The following GABRA2 variants were observed in gnomAD, a reference collection of about 807,000 sequenced individuals.
The protein encoded by GABRA2 is gamma-aminobutyric acid type A receptor subunit alpha2.
A neutral mutation model predicts 48.7 loss-of-function variants in GABRA2; 16 were observed. The ratio of observed to expected loss-of-function variants is 0.33; its 90% CI spans 0.22 to 0.50. The LOEUF is 0.50. Ranked by LOEUF, GABRA2 falls within the 20% of genes least tolerant of loss-of-function variation. The pLI is 0.98. For missense variants in GABRA2, 275 were observed against 535.6 expected, an observed-to-expected ratio of 0.51 and a Z score of 4.80; for synonymous variants, 185 against 184.5, an observed-to-expected ratio of 1.00 and a Z score of -0.02.
At chr4:46,261,472 T>C (rs1490004968) in intron 9 of GABRA2, 5 of 166,498 alleles carry the variant, frequency 3.0e-5, no homozygotes, top group Non-Finnish European at 6.5e-5. Context: ...CTTTTTCTAA[T>C]CTCTTTATAA....
chr4:46,381,508 C>T, intron 3 of GABRA2, among the ~76,000 whole-genome samples: 1 of 152,154 alleles, frequency 6.6e-6, no homozygotes, highest in East Asian at 1.9e-4. Context: ...ATTTTCTTGA[C>T]ATGTTTTTCA....
At chr4:46,294,636 G>A (rs1359122100) in intron 8 of GABRA2, among the ~76,000 whole-genome samples, 1 of 152,210 alleles carries the variant, frequency 6.6e-6, no homozygotes, top group Non-Finnish European at 1.5e-5. Context: ...GGTGTCAGGG[G>A]CAGATACGGA....
At chr4:46,301,847 C>G (rs1725798251) in intron 8 of GABRA2, among the ~76,000 whole-genome samples, 1 of 152,124 alleles carries the variant, frequency 6.6e-6, no homozygotes, top group Non-Finnish European at 1.5e-5. Flanking sequence ...GGGCCTGGTA[C>G]AGTATCTAAC....
intron 8 of GABRA2, among the ~76,000 whole-genome samples, chr4:46,273,484 C>CATATATATATAT (rs1250189953): frequency 1.1e-4 from 2 of 18,908 alleles, no homozygotes; most frequent in Middle Eastern, 0.02. Flanking sequence ...TATATATATG[C>CATATATATATAT]ATATATATAT....
chr4:46,382,508 G>T (rs112505361), intron 3 of GABRA2, among the ~76,000 whole-genome samples: 1 of 152,174 alleles, frequency 6.6e-6, no homozygotes, highest in African/African-American at 2.4e-5. Context: ...GGCCTTGCAG[G>T]TCACCACAAG....
intron 8 of GABRA2, among the ~76,000 whole-genome samples, chr4:46,281,515 G>A (rs1348767445): frequency 6.6e-6 from 1 of 152,036 alleles, no homozygotes; most frequent in Non-Finnish European, 1.5e-5. Flanking sequence ...AGAGAATGAG[G>A]AAATTAAATT....
At position 46,245,638 on chromosome 4, in the gene GABRA2, A is replaced by T. The variant is rs969005574; in HGVS notation, c.*4670T>A. 6.6e-6 allele frequency among the ~76,000 whole-genome samples: 1 copy of T among 151,298 alleles called. No homozygotes were observed. Among genetic ancestry groups the T allele is most frequent in the Non-Finnish European group, 1.5e-5 (1 of 67,490 alleles). On this transcript the variant is annotated 3_prime_UTR_variant, in exon 10 of 10. Transcript: ENST00000381620. ...TCCATTAATAAAACAAATTGTTTAGATATCATAAATTTATCTGAATTTCTC... is the reference window on the plus strand; with the variant it reads ...TCCATTAATAAAACAAATTGTTTAGTTATCATAAATTTATCTGAATTTCTC...
chr4:46,287,178 TA>T (rs1258854288), intron 8 of GABRA2, among the ~76,000 whole-genome samples: 1 of 152,162 alleles, frequency 6.6e-6, no homozygotes, highest in Non-Finnish European at 1.5e-5. Context: ...ATTTGGCAGT[TA>T]TCTGGCTATA....
In GABRA2 at chr4:46,389,860, A is replaced by G. The variant is rs1458830230; in HGVS notation, c.-136T>C. The stretch of plus-strand genomic sequence containing the variant: ...GAGAGAGAGAGAGAGAGAGAGAGAG[A>G]GACCGAGACTGCAGCAGCCAAGAGA... On this transcript the variant is annotated 5_prime_UTR_variant, in exon 1 of 10. Transcript: ENST00000381620. 2 of 959,484 alleles carry G rather than the reference A, an allele frequency of 2.1e-6. No individual in the cohort carries two copies. The highest frequency in any genetic ancestry group is 4.1e-5 in the African/African-American group (2 of 48,726). 59.4% of individuals were successfully genotyped at this position (959,484 alleles called of 1,614,324 possible). A position where few individuals can be genotyped will look rare whatever the true frequency, so the allele number is the denominator to read the frequency against.
At chr4:46,256,462 T>TAA in intron 9 of GABRA2, 1 of 368,608 alleles carries the variant, frequency 2.7e-6, no homozygotes. Flanking sequence ...TTCCCCTAAT[T>TAA]AAAAAAAAAA....
At chr4:46,364,683 C>T (rs535513086) in intron 3 of GABRA2, 1 of 152,280 alleles carries the variant, frequency 6.6e-6, no homozygotes, top group Admixed American at 6.5e-5. Context: ...CATGTGGCCC[C>T]CTACCAGCAA....
chr4:46,301,986 T>C lies in GABRA2; in HGVS notation c.856+1474A>G, dbSNP rs16859285. Reference sequence around the variant, plus strand: ...TATATCCAAAAAGCAGTAACCAAATTCCTCTGCATAGTTTCAATCAAGAAA... The same window carrying C: ...TATATCCAAAAAGCAGTAACCAAATCCCTCTGCATAGTTTCAATCAAGAAA... On this transcript the variant is annotated intron_variant, in intron 8 of 9. Coordinates refer to ENST00000381620, the MANE Select transcript of GABRA2 (RefSeq NM_000807.4). 4.5e-3 allele frequency among the ~76,000 whole-genome samples: 677 copies of C among 152,118 alleles called. 6 individuals carry two copies. The highest frequency in any genetic ancestry group is 0.015 in the African/African-American group (639 of 41,502).
chr4:46,348,872 A>G (rs1034408363), intron 3 of GABRA2, among the ~76,000 whole-genome samples: 4 of 151,760 alleles, frequency 2.6e-5, no homozygotes, highest in Non-Finnish European at 5.9e-5. Context: ...ACATGTATAC[A>G]TATGTAACAA....
intron 6 of GABRA2, among the ~76,000 whole-genome samples, chr4:46,308,511 C>T (rs1727092148): frequency 6.6e-6 from 1 of 152,176 alleles, no homozygotes; most frequent in African/African-American, 2.4e-5. Context: ...TATTACTCCA[C>T]ACTGGTGTCC....
At chr4:46,306,964 C>T (rs1323312167) in intron 6 of GABRA2, among the ~76,000 whole-genome samples, 2 of 151,976 alleles carry the variant, frequency 1.3e-5, no homozygotes, top group Non-Finnish European at 2.9e-5. Flanking sequence ...GTCTGGTTTT[C>T]TGAATGTTGC....
chr4:46,348,834 G>C (rs1325591821), intron 3 of GABRA2, among the ~76,000 whole-genome samples: 1 of 151,144 alleles, frequency 6.6e-6, no homozygotes, highest in Non-Finnish European at 1.5e-5. Context: ...TGAATGACGA[G>C]TTAATGGGTG....
intron 4 of GABRA2, among the ~76,000 whole-genome samples, chr4:46,313,567 TTC>T (rs3068364): frequency 1.0e-3 from 149 of 145,540 alleles, no homozygotes; most frequent in Middle Eastern, 3.5e-3. Flanking sequence ...GAAACTCTGT[TTC>T]TCTCTCTCTC....
At chr4:46,310,373 T>G (rs1183929792) in intron 5 of GABRA2, 118 bp from the exon 6 acceptor site, 10 of 586,614 alleles carry the variant, frequency 1.7e-5, no homozygotes, top group Non-Finnish European at 2.7e-5. Context: ...GTAGGCTCAT[T>G]CATATTTAAA....
chr4:46,295,508 C>T (rs1272820340), intron 8 of GABRA2, among the ~76,000 whole-genome samples: 4 of 152,186 alleles, frequency 2.6e-5, no homozygotes, highest in Non-Finnish European at 5.9e-5. Context: ...ATGATCTTGT[C>T]TATGGACACC....
Sources: allele counts gnomAD v4.1 joint callset (sites outside exome capture counted in the v4.1 genomes callset), GRCh38; gene constraint gnomAD v4.1.1; transcripts MANE v1.5; gene names NCBI Gene and HGNC (gene_info 2026-07-23, HGNC 2026-07-21).